EPHB2: variants seen among roughly 807,000 people sequenced by gnomAD.
The protein encoded by EPHB2 is ephrin type-B receptor 2.
A neutral mutation model predicts 96.4 loss-of-function variants in EPHB2; 18 were observed. The ratio of observed to expected loss-of-function variants is 0.19; its 90% CI spans 0.13 to 0.28. The LOEUF is 0.28. Among genes scored for constraint, EPHB2 ranks in the 10% least tolerant of loss-of-function variants. The pLI, the probability that EPHB2 is intolerant of heterozygous loss-of-function variation, is 1.00. For missense variants in EPHB2, 989 were observed against 1,355.4 expected (o/e 0.73, Z 4.25); for synonymous variants, 506 against 534.1 (o/e 0.95, Z 0.72).
At chr1:22,812,561 G>A (rs558566330) in intron 3 of EPHB2, among the ~76,000 whole-genome samples, 1 of 152,210 alleles carries the variant, frequency 6.6e-6, no homozygotes, top group Non-Finnish European at 1.5e-5. Context: ...GACGTTGCCT[G>A]TGAAGGCAGG....
intron 1 of EPHB2, among the ~76,000 whole-genome samples, chr1:22,778,945 T>C (rs1644490563): frequency 2.0e-5 from 3 of 152,242 alleles, no homozygotes; most frequent in Admixed American, 2.0e-4. Flanking sequence ...GTTTGGCCTC[T>C]GGGTCAGCCC....
intron 3 of EPHB2, among the ~76,000 whole-genome samples, chr1:22,789,556 T>C (rs2817896): frequency 0.31 from 47,130 of 152,044 alleles, 7,864 homozygotes; most frequent in East Asian, 0.6. Context: ...CCATTCAACA[T>C]GCATGTTTTG....
At chr1:22,758,472 G>T (rs1644187141) in intron 1 of EPHB2, among the ~76,000 whole-genome samples, 1 of 152,172 alleles carries the variant, frequency 6.6e-6, no homozygotes, top group East Asian at 1.9e-4. Context: ...CCTGGTCTGG[G>T]TATCCAGTGG....
At chr1:22,767,491 A>G (rs1644323236) in intron 1 of EPHB2, among the ~76,000 whole-genome samples, 1 of 152,222 alleles carries the variant, frequency 6.6e-6, no homozygotes, top group Admixed American at 6.5e-5. Context: ...ACTTATCTGC[A>G]AAATGGGGAC....
At chr1:22,775,144 GT>G in intron 1 of EPHB2, 1 of 777,404 alleles carries the variant, frequency 1.3e-6, no homozygotes, top group Non-Finnish European at 2.4e-6. Flanking sequence ...TGTGTTGTCT[GT>G]TTTTTAAGGC....
In EPHB2 at chr1:22,875,219, C is replaced by A. The variant is rs985078710; in HGVS notation, c.1304-7140C>A. 2.0e-5 allele frequency among the ~76,000 whole-genome samples: 3 copies of A among 152,182 alleles called. No individual in the cohort carries two copies. Among genetic ancestry groups the A allele is most frequent in the Non-Finnish European group, 4.4e-5 (3 of 68,040 alleles). ...ATCGTCAGGTCATCCAGAATTGCAG[C>A]CAGATCATCGGGGGTTAACTGCGTT... On this transcript the variant is annotated intron_variant, in intron 5 of 15. Coordinates refer to ENST00000374630, the MANE Select transcript of EPHB2 (RefSeq NM_017449.5). This position sits in a 1 kb window ranked among gnomAD's most constrained non-coding sequence, Gnocchi z 4.2.
chr1:22,880,172 T>A (rs1638988930), intron 5 of EPHB2, among the ~76,000 whole-genome samples: 1 of 152,028 alleles, frequency 6.6e-6, no homozygotes, highest in Non-Finnish European at 1.5e-5. Context: ...GGGAGGCAGA[T>A]CGCCTAGGTC....
At chr1:22,811,152 G>A (rs1453372258) in intron 3 of EPHB2, among the ~76,000 whole-genome samples, 1 of 152,164 alleles carries the variant, frequency 6.6e-6, no homozygotes, top group Non-Finnish European at 1.5e-5. Flanking sequence ...GCCCATGTGT[G>A]TATGAGAATC....
intron 3 of EPHB2, among the ~76,000 whole-genome samples, chr1:22,818,429 G>A (rs192505553): frequency 6.6e-5 from 10 of 152,068 alleles, no homozygotes; most frequent in Non-Finnish European, 1.0e-4. Flanking sequence ...GTCTCCCTGC[G>A]CCCCCTGCCT....
intron 5 of EPHB2, among the ~76,000 whole-genome samples, chr1:22,868,239 C>T (rs1638548521): frequency 6.6e-6 from 1 of 152,112 alleles, no homozygotes; most frequent in Non-Finnish European, 1.5e-5. Context: ...TGAGGGGTTT[C>T]CGGGGAATAG....
At chr1:22,725,338 G>T (rs1032810353) in intron 1 of EPHB2, among the ~76,000 whole-genome samples, 4 of 152,082 alleles carry the variant, frequency 2.6e-5, no homozygotes, top group Non-Finnish European at 5.9e-5. Context: ...TTGATGGTTG[G>T]CTGGCTGGCT....
intron 3 of EPHB2, among the ~76,000 whole-genome samples, chr1:22,786,845 GA>G (rs1234456011): frequency 6.6e-6 from 1 of 152,236 alleles, no homozygotes; most frequent in Non-Finnish European, 1.5e-5. Context: ...GATGGTTCTA[GA>G]AAAGAAATGG....
chr1:22,847,337 A>G (rs1384809490), intron 3 of EPHB2, among the ~76,000 whole-genome samples: 1 of 152,192 alleles, frequency 6.6e-6, no homozygotes, highest in Non-Finnish European at 1.5e-5. Flanking sequence ...CTGTGCCCCT[A>G]ACCACTGGGA....
rs139245060 is a variant in EPHB2, at chr1:22,846,135, G to T, written c.812-16902G>T. Among the ~76,000 whole-genome samples, 1 of 152,136 alleles carries T rather than the reference G, an allele frequency of 6.6e-6. No homozygotes were observed. Among genetic ancestry groups the T allele is most frequent in the Non-Finnish European group, 1.5e-5 (1 of 68,024 alleles). Reference sequence around the variant, plus strand: ...TAATGATTCAAGAATGTCCCAGGGCGTGGCCAGGTGCGGTGGTTCACACCT... The same window carrying T: ...TAATGATTCAAGAATGTCCCAGGGCTTGGCCAGGTGCGGTGGTTCACACCT... On this transcript the variant is annotated intron_variant, in intron 3 of 15. Transcript: ENST00000374630. This position sits in a 1 kb window ranked among gnomAD's most constrained non-coding sequence, Gnocchi z 4.3.
intron 1 of EPHB2, among the ~76,000 whole-genome samples, chr1:22,743,374 T>G (rs1353324799): frequency 6.6e-6 from 1 of 152,206 alleles, no homozygotes; most frequent in African/African-American, 2.4e-5. Flanking sequence ...CTGAGGCACT[T>G]CACCTCTCTG....
At chr1:22,770,884 GTGGA>G (rs1644371629) in intron 1 of EPHB2, among the ~76,000 whole-genome samples, 1 of 151,838 alleles carries the variant, frequency 6.6e-6, no homozygotes, top group Non-Finnish European at 1.5e-5. Flanking sequence ...GGGTGGGTAG[GTGGA>G]TGGATAGATG....
intron 3 of EPHB2, among the ~76,000 whole-genome samples, chr1:22,835,521 C>T (rs1296581260): frequency 6.6e-6 from 1 of 152,216 alleles, no homozygotes; most frequent in Non-Finnish European, 1.5e-5. Flanking sequence ...CATGTAAGCA[C>T]ATTTTATGCA....
chr1:22,891,817 T>C lies in EPHB2; in HGVS notation c.1429-1067T>C, dbSNP rs1234915247. 8.0e-5 allele frequency among the ~76,000 whole-genome samples: 12 copies of C among 150,108 alleles called. No individual in the cohort carries two copies. In the Admixed American group the frequency reaches 8.1e-4, roughly 10 times the overall value. On this transcript the variant is annotated intron_variant, in intron 6 of 15. Transcript: ENST00000374630. ...TTTGTTGTTGTTGTATTTTTTTAGA[T>C]AGGGTTTTGCTCTGTTGCCCAGGCT...
intron 1 of EPHB2, among the ~76,000 whole-genome samples, chr1:22,750,240 C>A (rs1644041127): frequency 6.6e-6 from 1 of 152,198 alleles, no homozygotes; most frequent in East Asian, 1.9e-4. Flanking sequence ...TATATTGGGG[C>A]AGCCCTACAA....
Sources: allele counts gnomAD v4.1 joint callset (sites outside exome capture counted in the v4.1 genomes callset), GRCh38; gene constraint gnomAD v4.1.1; non-coding constraint Gnocchi (gnomAD v3.1); transcripts MANE v1.5; gene names NCBI Gene and HGNC (gene_info 2026-07-23, HGNC 2026-07-21).